HAO2: variants seen among roughly 807,000 people sequenced by gnomAD.
HAO2 encodes the protein hydroxyacid oxidase 2, also known as 2-Hydroxyacid oxidase 2.
Under a neutral mutation model 37.4 loss-of-function variants are expected in HAO2, and 42 were observed. That is an observed-to-expected ratio of 1.12 (90% CI 0.88 to 1.45). The LOEUF (loss-of-function observed/expected upper bound fraction) is 1.45. Among genes scored for constraint, HAO2 ranks in the 40% most tolerant of loss-of-function variants. HAO2 has a pLI of 0.00. For synonymous variants in HAO2, 180 were observed against 162.8 expected (o/e 1.11, Z -0.81); for missense variants, 476 against 430.2 (o/e 1.11, Z -0.94).
chr1:119,371,525 C>T (rs116631942), intron 1 of HAO2, among the ~76,000 whole-genome samples: 2,259 of 152,188 alleles, frequency 0.015, 35 homozygotes, highest in Admixed American at 0.019. Context: ...CTCTAAGGTC[C>T]GTGCCAACTC....
In HAO2 at chr1:119,383,006, A is replaced by G. The variant is rs112360413; in HGVS notation, c.223A>G (p.Ile75Val). ...GGAGGAGATCAGTGCCCCTATTTGTATCGCACCCACAGGGTTCCACTGCCT... is the reference window on the plus strand; with the variant it reads ...GGAGGAGATCAGTGCCCCTATTTGTGTCGCACCCACAGGGTTCCACTGCCT... ...QGEEISAPIC[I>V]APTGFHCLVW... Residue 75 changes from isoleucine (I) to valine (V), a missense_variant, in exon 3 of 8, where the codon ATC becomes GTC. Transcript: ENST00000325945. The G allele has an allele frequency of 3.1e-6, 5 of 1,613,124 alleles. No individual in the cohort carries two copies. Among genetic ancestry groups the G allele is most frequent in the East Asian group, 4.5e-5 (2 of 44,748 alleles).
chr1:119,373,447 G>T (rs1159518163), intron 1 of HAO2, among the ~76,000 whole-genome samples: 1 of 152,126 alleles, frequency 6.6e-6, no homozygotes, highest in African/African-American at 2.4e-5. Flanking sequence ...TAGCTGTGCT[G>T]CCAAACTTGT....
chr1:119,390,053 C>T (rs999008794), intron 5 of HAO2, among the ~76,000 whole-genome samples: 8 of 152,024 alleles, frequency 5.3e-5, no homozygotes, highest in African/African-American at 1.7e-4. Flanking sequence ...GTATCCTTTC[C>T]CTACTTTATG....
intron 1 of HAO2, among the ~76,000 whole-genome samples, chr1:119,373,992 A>G (rs1649243677): frequency 6.6e-6 from 1 of 152,170 alleles, no homozygotes; most frequent in Non-Finnish European, 1.5e-5. Flanking sequence ...AGGCACCAGG[A>G]ATTAATCCTT....
intron 1 of HAO2, among the ~76,000 whole-genome samples, chr1:119,372,522 T>C (rs1306691248): frequency 6.6e-6 from 1 of 152,202 alleles, no homozygotes; most frequent in Non-Finnish European, 1.5e-5. Context: ...AAGATTTCCC[T>C]GAGAAAGGCA....
At position 119,393,941 on chromosome 1, in the gene HAO2, CG is replaced by C. The variant is rs587700133; in HGVS notation, c.*103del. On this transcript the variant is annotated 3_prime_UTR_variant, in exon 8 of 8. Transcript: ENST00000325945. ...TGTCCTTCCTGGACCCCATTCTGTC[CG>C]GAGGCTCATGGCCCATATTTCCCAC... The C allele has an allele frequency of 4.2e-3, 6,701 of 1,586,900 alleles. 37 individuals are homozygous for C. Among genetic ancestry groups the C allele is most frequent in the Middle Eastern group, 0.025 (136 of 5,410 alleles).
intron 1 of HAO2, among the ~76,000 whole-genome samples, chr1:119,376,734 C>T (rs999967672): frequency 1.3e-5 from 2 of 152,222 alleles, no homozygotes; most frequent in South Asian, 4.1e-4. Context: ...TCCACATGCC[C>T]AACACCATGT....
At chr1:119,384,644 G>T in intron 3 of HAO2, 132 bp from the exon 4 acceptor site, 1 of 707,862 alleles carries the variant, frequency 1.4e-6, no homozygotes, top group Non-Finnish European at 2.3e-6. Context: ...TTCTTACAAG[G>T]AAGCAGAATG....
At chr1:119,386,006 C>G in intron 4 of HAO2, 2 of 516,320 alleles carry the variant, frequency 3.9e-6, no homozygotes, top group Non-Finnish European at 5.0e-6. Context: ...ATCTTATATA[C>G]TAAACTCTGA....
At position 119,381,217 on chromosome 1, in the gene HAO2, G is replaced by C. The variant is rs1195590713; in HGVS notation, c.131+1G>C. 6.2e-7 allele frequency: 1 copy of C among 1,607,930 alleles called. No homozygotes were observed. Among genetic ancestry groups the C allele is most frequent in the Non-Finnish European group, 8.5e-7 (1 of 1,174,492 alleles). On this transcript the variant is annotated splice_donor_variant, in intron 2 of 7. Transcript: ENST00000325945. LOFTEE classifies it high-confidence loss of function. ...ATGACAACATTGCAGCATTTAAAAGGTGTGGTCTTCTGTAGCCTGTCTATT... is the reference window on the plus strand; with the variant it reads ...ATGACAACATTGCAGCATTTAAAAGCTGTGGTCTTCTGTAGCCTGTCTATT...
intron 5 of HAO2, among the ~76,000 whole-genome samples, chr1:119,387,176 T>C (rs898948045): frequency 2.6e-5 from 4 of 152,232 alleles, no homozygotes; most frequent in African/African-American, 4.8e-5. Flanking sequence ...ATGTTGAATT[T>C]GATTAGACAG....
Position 119,385,015 on chromosome 1 carries a change from A to G in HAO2, c.523A>G (p.Arg175Gly). ...ACATGACATTCGAAACCAGTTGAGG[A>G]GGAACTTAACACTAACAGATCTTCA... is the stretch of plus-strand genomic sequence containing the variant. ...RRHDIRNQLRRNLTLTDLQSP... is the reference protein window; with the variant it reads ...RRHDIRNQLRGNLTLTDLQSP... Residue 175 changes from arginine to glycine, a missense_variant, in exon 4 of 8, where the codon AGG (arginine) becomes GGG (glycine). By Grantham distance (125) the Arg-to-Gly change is moderately radical. Transcript: ENST00000325945. The G allele has an allele frequency of 1.9e-6, 3 of 1,613,856 alleles. No individual in the cohort carries two copies. The highest frequency in any genetic ancestry group is 2.5e-6 in the Non-Finnish European group (3 of 1,179,832).
chr1:119,377,170 GC>G (rs1649540410), intron 1 of HAO2, among the ~76,000 whole-genome samples: 1 of 152,126 alleles, frequency 6.6e-6, no homozygotes, highest in Non-Finnish European at 1.5e-5. Flanking sequence ...GCTGTTAACA[GC>G]CCCCAAGTCA....
intron 5 of HAO2, 70 bp downstream of exon 5, chr1:119,386,901 T>C: frequency 1.1e-6 from 1 of 911,688 alleles, no homozygotes; most frequent in Non-Finnish European, 1.8e-6. Flanking sequence ...TGTGTCCACA[T>C]CAAGGGACTC....
intron 3 of HAO2, among the ~76,000 whole-genome samples, chr1:119,383,624 C>T (rs757569314): frequency 6.6e-6 from 1 of 152,034 alleles, no homozygotes; most frequent in African/African-American, 2.4e-5. Context: ...TAATTCTCAT[C>T]CCACATTCTC....
intron 1 of HAO2, among the ~76,000 whole-genome samples, chr1:119,370,571 C>T (rs1307832501): frequency 6.6e-6 from 1 of 152,190 alleles, no homozygotes; most frequent in Non-Finnish European, 1.5e-5. Flanking sequence ...TGTTAATATT[C>T]TCCTTTAACA....
At chr1:119,372,484 G>A (rs923714830) in intron 1 of HAO2, among the ~76,000 whole-genome samples, 1 of 152,200 alleles carries the variant, frequency 6.6e-6, no homozygotes, top group African/African-American at 2.4e-5. Context: ...AGATGGGAGA[G>A]ATTAGGAAAA....
chr1:119,390,578 A>G (rs1293560943), intron 5 of HAO2, among the ~76,000 whole-genome samples: 1 of 152,206 alleles, frequency 6.6e-6, no homozygotes. Flanking sequence ...GTGAAAGAGA[A>G]ATACATTTGT....
chr1:119,393,775 G>A lies in HAO2; in HGVS notation c.1001-10G>A. On this transcript the variant is annotated splice_polypyrimidine_tract_variant and intron_variant, in intron 7 of 7. Transcript: ENST00000325945. ...ACAAAAATGAGCTTGTAACCACATT[G>A]TTCTTTTAGGCTGCCGGTCGGTCGC... 1 of 1,612,984 alleles carries A rather than the reference G, an allele frequency of 6.2e-7. No individual in the cohort carries two copies. Among genetic ancestry groups the A allele is most frequent in the Non-Finnish European group, 8.5e-7 (1 of 1,179,138 alleles).
Sources: gnomAD v4.1 joint callset for allele counts (sites outside exome capture counted in the v4.1 genomes callset) on GRCh38, gnomAD v4.1.1 for gene constraint, MANE v1.5 for transcripts, NCBI Gene and HGNC (gene_info 2026-07-23, HGNC 2026-07-21) for gene names.